The following WWTR1 variants were observed in gnomAD, a reference collection of about 807,000 sequenced individuals.
WWTR1 encodes the protein WW domain-containing transcription regulator protein 1.
Under a neutral mutation model 40.1 loss-of-function variants are expected in WWTR1, and 13 were observed. That is an observed-to-expected ratio of 0.32 (90% CI 0.21 to 0.52). The LOEUF is 0.52. WWTR1 is among the 20% of genes least tolerant of loss of function. The pLI is 0.97. For missense variants in WWTR1, 436 were observed against 523.1 expected (o/e 0.83, Z 1.63); for synonymous variants, 230 against 210.1 (o/e 1.09, Z -0.82).
chr3:149,525,768 G>T, intron 6 of WWTR1: 1 of 283,612 alleles, frequency 3.5e-6, no homozygotes, highest in Non-Finnish European at 6.4e-6. Context: ...TACTGGGAGT[G>T]GGGAGGAACA....
At chr3:149,602,933 G>A (rs944111967) in intron 2 of WWTR1, among the ~76,000 whole-genome samples, 5 of 152,042 alleles carry the variant, frequency 3.3e-5, no homozygotes, top group Admixed American at 3.3e-4. Flanking sequence ...GTGCTGAGAT[G>A]ATAGGCATGA....
chr3:149,720,062 C>T (rs968953768), intron 4 of WWTR1, among the ~76,000 whole-genome samples: 21 of 152,098 alleles, frequency 1.4e-4, no homozygotes, highest in Admixed American at 9.8e-4. Context: ...TTCTCAAATT[C>T]TGTAGGCTGT....
intron 1 of WWTR1, chr3:149,702,909 C>T (rs1715240229): frequency 6.6e-6 from 1 of 152,232 alleles, no homozygotes; most frequent in South Asian, 2.1e-4. Flanking sequence ...CCTGAGTTGC[C>T]TTTCCTGAAG....
chr3:149,517,433 T>C lies in WWTR1; in HGVS notation c.*3372A>G, dbSNP rs993393000. The stretch of plus-strand genomic sequence containing the variant: ...TAAAAAGTTAAAGTACTAGCACATA[T>C]ATGTGTTAGGAAAATGGTCTCTGTC... On this transcript the variant is annotated 3_prime_UTR_variant, in exon 7 of 7. Coordinates refer to ENST00000360632, the MANE Select transcript of WWTR1 (RefSeq NM_015472.6). 1 of 152,222 alleles carries C rather than the reference T, an allele frequency of 6.6e-6. No homozygotes were observed. The highest frequency in any genetic ancestry group is 1.5e-5 in the Non-Finnish European group (1 of 68,042). 9.4% of individuals were successfully genotyped at this position (152,222 alleles called of 1,614,324 possible).
chr3:149,580,800 A>C (rs1738117883), intron 2 of WWTR1, among the ~76,000 whole-genome samples: 1 of 151,866 alleles, frequency 6.6e-6, no homozygotes, highest in East Asian at 1.9e-4. Flanking sequence ...TTTAGTAGAG[A>C]TGGGGTTTCA....
intron 2 of WWTR1, among the ~76,000 whole-genome samples, chr3:149,669,537 G>T (rs1241192152): frequency 1.3e-5 from 2 of 152,174 alleles, no homozygotes; most frequent in African/African-American, 4.8e-5. Flanking sequence ...GGAGGGAAAA[G>T]GAAAGGAAAC....
intron 4 of WWTR1, among the ~76,000 whole-genome samples, chr3:149,540,012 C>T (rs1736014240): frequency 6.7e-6 from 1 of 150,296 alleles, no homozygotes; most frequent in African/African-American, 2.4e-5. Flanking sequence ...TCCTGTACTC[C>T]CTAACAAAAA....
At chr3:149,720,049 A>AT (rs1268276389) in intron 4 of WWTR1, among the ~76,000 whole-genome samples, 1 of 152,198 alleles carries the variant, frequency 6.6e-6, no homozygotes, top group East Asian at 1.9e-4. Flanking sequence ...ACGTGTAAAT[A>AT]TATTCTCAAA....
chr3:149,549,471 T>C (rs1032396147), intron 3 of WWTR1, among the ~76,000 whole-genome samples: 2 of 152,138 alleles, frequency 1.3e-5, no homozygotes, highest in South Asian at 2.1e-4. Flanking sequence ...CTTAAAACTA[T>C]TGAGGTCATC....
At chr3:149,560,823 A>T (rs1737049375) in intron 3 of WWTR1, among the ~76,000 whole-genome samples, 1 of 152,192 alleles carries the variant, frequency 6.6e-6, no homozygotes, top group Non-Finnish European at 1.5e-5. Flanking sequence ...CTTCCAACGA[A>T]ACTTCCATTT....
intron 4 of WWTR1, among the ~76,000 whole-genome samples, chr3:149,718,593 C>T (rs181606062): frequency 8.5e-5 from 13 of 152,302 alleles, no homozygotes; most frequent in Admixed American, 8.5e-4. Context: ...CTCTTTTCAT[C>T]TTGCAAAATT....
intron 2 of WWTR1, among the ~76,000 whole-genome samples, chr3:149,575,098 A>C (rs7630736): frequency 0.15 from 19,873 of 131,450 alleles, 1,582 homozygotes; most frequent in South Asian, 0.33. Flanking sequence ...CATCCCCCCC[A>C]AAAAAAAAAG....
chr3:149,639,760 G>C (rs1430185303), intron 2 of WWTR1, among the ~76,000 whole-genome samples: 1 of 152,090 alleles, frequency 6.6e-6, no homozygotes, highest in East Asian at 1.9e-4. Context: ...TTGGGAGGCC[G>C]AGGTGGGTGG....
chr3:149,618,835 C>T (rs1200907066), intron 2 of WWTR1, among the ~76,000 whole-genome samples: 1 of 152,144 alleles, frequency 6.6e-6, no homozygotes, highest in Non-Finnish European at 1.5e-5. Flanking sequence ...GGCAGTGACA[C>T]GACAAGTACA....
chr3:149,558,209 T>G (rs1736923899), intron 3 of WWTR1, among the ~76,000 whole-genome samples: 1 of 152,072 alleles, frequency 6.6e-6, no homozygotes, highest in Non-Finnish European at 1.5e-5. Flanking sequence ...AAATGGGTTT[T>G]TTGTGGTCTT....
chr3:149,604,981 T>C (rs1445555639), intron 2 of WWTR1, among the ~76,000 whole-genome samples: 1 of 152,232 alleles, frequency 6.6e-6, no homozygotes, highest in African/African-American at 2.4e-5. Context: ...GTGAGATTCA[T>C]GGATAGGCTT....
rs528482493 is a variant in WWTR1 at position 149,530,311 on chromosome 3, A to G, written c.772-2342T>C. Among the ~76,000 whole-genome samples the G allele has an allele frequency of 8.6e-5, 13 of 151,906 alleles. No individual in the cohort carries two copies. In the East Asian group the frequency reaches 1.9e-3, roughly 23 times the overall value. ...TGCATTGAGCCGAGATTGCACCACC[A>G]TACTCCAGCCTGGGCGACAAAGCGA... On this transcript the variant is annotated intron_variant, in intron 4 of 6. Coordinates refer to ENST00000360632, the MANE Select transcript of WWTR1 (RefSeq NM_015472.6).
chr3:149,586,881 G>A (rs1738455008), intron 2 of WWTR1, among the ~76,000 whole-genome samples: 1 of 152,224 alleles, frequency 6.6e-6, no homozygotes, highest in Non-Finnish European at 1.5e-5. Context: ...CTTCTGGATA[G>A]CTGAACATGT....
intron 2 of WWTR1, among the ~76,000 whole-genome samples, chr3:149,651,248 A>C (rs1712846237): frequency 6.6e-6 from 1 of 152,252 alleles, no homozygotes; most frequent in South Asian, 2.1e-4. Context: ...CAGATAAAAA[A>C]GGACTTGAAA....
Sources: allele counts gnomAD v4.1 joint callset (sites outside exome capture counted in the v4.1 genomes callset), GRCh38; gene constraint gnomAD v4.1.1; transcripts MANE v1.5; gene names NCBI Gene and HGNC (gene_info 2026-07-23, HGNC 2026-07-21).